The following LRCH2 variants were observed in gnomAD, a reference collection of about 807,000 sequenced individuals.
LRCH2 encodes the protein leucine-rich repeat and calponin homology domain-containing protein 2.
Under a neutral mutation model 68.9 loss-of-function variants are expected in LRCH2, and 38 were observed. The ratio of observed to expected loss-of-function variants is 0.55; its 90% CI spans 0.43 to 0.72. LRCH2 has a LOEUF of 0.72. Ranked by LOEUF, LRCH2 falls within the 30% of genes least tolerant of loss-of-function variation. LRCH2 has a pLI of 0.00. For missense variants in LRCH2, 528 were observed against 572.9 expected, an observed-to-expected ratio of 0.92 and a Z score of 0.80; for synonymous variants, 191 against 208.1, an observed-to-expected ratio of 0.92 and a Z score of 0.71.
In LRCH2 at chrX:115,165,461, T is replaced by C. The variant is rs1188799932; in HGVS notation, c.1299A>G (p.Gly433=). The part of the protein sequence containing the change: ...HIGSFVSFFK[G]KEKCSEKSRK... ...GAGATTTTTCAGAACATTTTTCTTT[T>C]CCCTTATATAAAAGAAAGTTACATT... is the stretch of plus-strand genomic sequence containing the variant. The change falls in exon 10 of 21, where the codon GGA becomes GGG. Residue 433 remains glycine, a splice_region_variant and synonymous_variant. Coordinates refer to ENST00000317135, the MANE Select transcript of LRCH2 (RefSeq NM_020871.4). 21 of 1,122,034 alleles carry C rather than the reference T, an allele frequency of 1.9e-5. No homozygotes were observed. In the East Asian group the frequency reaches 6.9e-4, roughly 37 times the overall value. The allele number at this position is 1,122,034 out of a possible 1,213,427, so 92.5% of individuals were successfully genotyped here. A position where few individuals can be genotyped will look rare whatever the true frequency, so the allele number is the denominator to read the frequency against.
intron 1 of LRCH2, among the ~76,000 whole-genome samples, chrX:115,229,902 G>A (rs1457947315): frequency 1.8e-5 from 2 of 111,866 alleles, no homozygotes; most frequent in Non-Finnish European, 1.9e-5. Context: ...AGGAAAACAC[G>A]TGATTATCCA....
chrX:115,113,268 T>C lies in LRCH2; in HGVS notation c.2246A>G (p.Gln749Arg). 8.3e-7 allele frequency: 1 copy of C among 1,198,707 alleles called. No homozygotes were observed. The highest frequency in any genetic ancestry group is 1.7e-5 in the African/African-American group (1 of 57,554). The change falls in exon 21 of 21, where the codon CAG becomes CGG. Residue 749 changes from glutamine to arginine, a missense_variant. Gln to Arg is a conservative substitution (Grantham distance 43). Coordinates refer to ENST00000317135, the MANE Select transcript of LRCH2 (RefSeq NM_020871.4). Reference sequence around the variant, plus strand: ...GGTTGTTGGTAATTCAAGGAGCGCCTGAACTGTGACACCAACTTTCACAAG... The same window carrying C: ...GGTTGTTGGTAATTCAAGGAGCGCCCGAACTGTGACACCAACTTTCACAAG... ...RGLVKVGVTV[Q>R]ALLELPTTKA...
intron 1 of LRCH2, among the ~76,000 whole-genome samples, chrX:115,229,083 A>G (rs1556577420): frequency 1.8e-5 from 2 of 111,712 alleles, no homozygotes; most frequent in African/African-American, 6.5e-5. Context: ...TTCTAAAACC[A>G]TAAGAGAGGC....
chrX:115,162,813 T>G (rs2072530105), intron 11 of LRCH2, among the ~76,000 whole-genome samples: 1 of 111,592 alleles, frequency 9.0e-6, no homozygotes, highest in South Asian at 3.7e-4. Flanking sequence ...TTATTTTGAA[T>G]AAATGAAATA....
At chrX:115,217,014 C>T (rs376153939) in intron 1 of LRCH2, among the ~76,000 whole-genome samples, 279 of 111,594 alleles carry the variant, frequency 2.5e-3, no homozygotes, top group African/African-American at 8.3e-3. Context: ...AACTGAATTT[C>T]GAATGGCGAG....
At position 115,113,068 on chromosome X, in the gene LRCH2, T is replaced by C. The variant is rs782632787; in HGVS notation, c.*148A>G. ...AAGTTCGGGCAATTCAATGTTTAAG[T>C]TTGATGTTTCAATGTAATTTTTTTA... On this transcript the variant is annotated 3_prime_UTR_variant, in exon 21 of 21. Transcript: ENST00000317135. The C allele has an allele frequency of 2.1e-5, 9 of 437,141 alleles. No homozygotes were observed. Among genetic ancestry groups the C allele is most frequent in the Admixed American group, 1.7e-4 (3 of 17,905 alleles). The allele number at this position is 437,141 out of a possible 1,213,427, so 36.0% of individuals were successfully genotyped here.
chrX:115,191,748 G>A, intron 1 of LRCH2: 1 of 1,161,280 alleles, frequency 8.6e-7, no homozygotes, highest in Non-Finnish European at 1.1e-6. Flanking sequence ...GTTCCAGCCG[G>A]AGCCACCGCT....
Sources: gnomAD v4.1 joint callset for allele counts (sites outside exome capture counted in the v4.1 genomes callset) on GRCh38, gnomAD v4.1.1 for gene constraint, MANE v1.5 for transcripts, NCBI Gene and HGNC (gene_info 2026-07-23, HGNC 2026-07-21) for gene names.